HEPACAM: variants seen among roughly 807,000 people sequenced by gnomAD.
HEPACAM encodes the protein hepatocyte cell adhesion molecule.
In HEPACAM, 18 loss-of-function variants were observed where a neutral mutation model predicts 38.3. The observed-to-expected ratio is 0.47, with a 90% CI of 0.33 to 0.70. The LOEUF (loss-of-function observed/expected upper bound fraction) is 0.70. Ranked by LOEUF, HEPACAM falls within the 30% of genes least tolerant of loss-of-function variation. HEPACAM has a pLI of 0.03. For missense variants in HEPACAM, 466 were observed against 563.0 expected (o/e 0.83, Z 1.74); for synonymous variants, 216 against 243.1 (o/e 0.89, Z 1.04).
chr11:124,926,865 GC>G (rs757703782), intron 1 of HEPACAM, among the ~76,000 whole-genome samples: 1 of 151,594 alleles, frequency 6.6e-6, no homozygotes, highest in East Asian at 1.9e-4. Context: ...GAAGAACAAA[GC>G]AAAAAAAAAA....
Position 124,920,401 on chromosome 11 carries a change from G to A in HEPACAM, c.*737C>T, listed in dbSNP as rs1326476997. The A allele has an allele frequency of 2.6e-6, 4 of 1,548,394 alleles. No homozygotes were observed. The highest frequency in any genetic ancestry group is 3.5e-6 in the Non-Finnish European group (4 of 1,146,196). On this transcript the variant is annotated 3_prime_UTR_variant, in exon 7 of 7. Coordinates refer to ENST00000298251, the MANE Select transcript of HEPACAM (RefSeq NM_152722.5). Reference sequence around the variant, plus strand: ...CAGAGACAGAAAGAGTGCTTGGCATGGCATGCCTCCGAGGGAGGCTGTGGG... The same window carrying A: ...CAGAGACAGAAAGAGTGCTTGGCATAGCATGCCTCCGAGGGAGGCTGTGGG...
chr11:124,927,616 G>A (rs868509776), intron 1 of HEPACAM, among the ~76,000 whole-genome samples: 15 of 148,620 alleles, frequency 1.0e-4, no homozygotes, highest in East Asian at 4.0e-4. Context: ...CAATCCACCC[G>A]TGTTGGCCTC....
In HEPACAM at chr11:124,921,040, T is replaced by C. The variant is rs1050587420; in HGVS notation, c.*98A>G. 7 of 1,409,514 alleles carry C rather than the reference T, an allele frequency of 5.0e-6. No homozygotes were observed. In the African/African-American group the frequency reaches 7.6e-5, roughly 15 times the overall value. 87.3% of individuals were successfully genotyped at this position (1,409,514 alleles called of 1,614,324 possible). A position where few individuals can be genotyped will look rare whatever the true frequency, so the allele number is the denominator to read the frequency against. Reference sequence around the variant, plus strand: ...ACCAGCGCCCCCCCGGGACCTCCCCTCGTCCCCAGCGCGCCGCGCCCGGGC... The same window carrying C: ...ACCAGCGCCCCCCCGGGACCTCCCCCCGTCCCCAGCGCGCCGCGCCCGGGC... On this transcript the variant is annotated 3_prime_UTR_variant, in exon 7 of 7. Coordinates refer to ENST00000298251, the MANE Select transcript of HEPACAM (RefSeq NM_152722.5). The surrounding 1 kb of genome is among the most constrained non-coding windows in gnomAD (Gnocchi z 4.6).
Position 124,920,714 on chromosome 11 carries a change from C to T in HEPACAM, c.*424G>A, listed in dbSNP as rs1947119928. Reference sequence around the variant, plus strand: ...AAAAAAAAAAAAAAAAAAAAAGTGCCCCAGCACTCAGGCATTTGTTCAGAG... The same window carrying T: ...AAAAAAAAAAAAAAAAAAAAAGTGCTCCAGCACTCAGGCATTTGTTCAGAG... On this transcript the variant is annotated 3_prime_UTR_variant, in exon 7 of 7. Transcript: ENST00000298251. 1 of 907,998 alleles carries T rather than the reference C, an allele frequency of 1.1e-6. No homozygotes were observed. The highest frequency in any genetic ancestry group is 2.0e-5 in the African/African-American group (1 of 50,020). 56.2% of individuals were successfully genotyped at this position (907,998 alleles called of 1,614,324 possible).
At position 124,923,966 on chromosome 11, in the gene HEPACAM, G is replaced by T; in HGVS notation, c.472C>A (p.Leu158Met). The change falls in exon 3 of 7, where the codon CTG becomes ATG. Residue 158 changes from leucine (L) to methionine (M), a missense_variant. Leu to Met is a conservative substitution (Grantham distance 15). Transcript: ENST00000298251. ...PQVLVASTTV[L>M]ELSEAFTLNC... Reference sequence around the variant, plus strand: ...AAGGTGAAGGCCTCGCTGAGCTCCAGCACAGTGGTTGAAGCCACCAACACC... The same window carrying T: ...AAGGTGAAGGCCTCGCTGAGCTCCATCACAGTGGTTGAAGCCACCAACACC... 1 of 1,611,640 alleles carries T rather than the reference G, an allele frequency of 6.2e-7. No individual in the cohort carries two copies.
intron 1 of HEPACAM, among the ~76,000 whole-genome samples, chr11:124,927,624 C>G (rs563659406): frequency 6.6e-6 from 1 of 151,042 alleles, no homozygotes; most frequent in Non-Finnish European, 1.5e-5. Context: ...CCGTGTTGGC[C>G]TCCCAAAGTG....
At chr11:124,930,357 G>C (rs1180284218) in intron 1 of HEPACAM, among the ~76,000 whole-genome samples, 3 of 152,170 alleles carry the variant, frequency 2.0e-5, no homozygotes, top group Non-Finnish European at 4.4e-5. Flanking sequence ...TTTTTATCCT[G>C]TTGAGGCCTA....
intron 6 of HEPACAM, 58 bp downstream of exon 6, chr11:124,922,330 C>A: frequency 6.8e-7 from 1 of 1,477,958 alleles, no homozygotes; most frequent in South Asian, 1.1e-5. Flanking sequence ...TCCCTAGCAT[C>A]AGGCATGTGG....
intron 1 of HEPACAM, among the ~76,000 whole-genome samples, chr11:124,926,094 C>T (rs1216919790): frequency 3.3e-5 from 5 of 152,036 alleles, no homozygotes; most frequent in African/African-American, 7.2e-5. Context: ...CCCAGCTACT[C>T]GGGAGGCTGA....
chr11:124,921,037 C>T lies in HEPACAM; in HGVS notation c.*101G>A. 2.1e-6 allele frequency: 3 copies of T among 1,419,186 alleles called. No homozygotes were observed. Among genetic ancestry groups the T allele is most frequent in the Non-Finnish European group, 2.8e-6 (3 of 1,088,470 alleles). The allele number at this position is 1,419,186 out of a possible 1,614,324, so 87.9% of individuals were successfully genotyped here. On this transcript the variant is annotated 3_prime_UTR_variant, in exon 7 of 7. Transcript: ENST00000298251. The surrounding 1 kb of genome is among the most constrained non-coding windows in gnomAD (Gnocchi z 4.6). ...GACACCAGCGCCCCCCCGGGACCTCCCCTCGTCCCCAGCGCGCCGCGCCCG... is the reference window on the plus strand; with the variant it reads ...GACACCAGCGCCCCCCCGGGACCTCTCCTCGTCCCCAGCGCGCCGCGCCCG...
chr11:124,927,762 A>G (rs546756248), intron 1 of HEPACAM, among the ~76,000 whole-genome samples: 11 of 152,172 alleles, frequency 7.2e-5, no homozygotes, highest in Non-Finnish European at 1.5e-4. Context: ...ATGGTGGCAC[A>G]CACCTGTAAT....
intron 1 of HEPACAM, among the ~76,000 whole-genome samples, chr11:124,925,370 T>C (rs1362273676): frequency 6.6e-6 from 1 of 152,216 alleles, no homozygotes; most frequent in East Asian, 1.9e-4. Context: ...CCCTATGCGC[T>C]CCATTCATAA....
intron 1 of HEPACAM, among the ~76,000 whole-genome samples, chr11:124,929,697 C>A (rs1323110978): frequency 6.6e-6 from 1 of 152,082 alleles, no homozygotes; most frequent in Non-Finnish European, 1.5e-5. Context: ...TCAACCTCAA[C>A]AATGCGGTAC....
chr11:124,920,609 G>A lies in HEPACAM; in HGVS notation c.*529C>T. 12 of 1,078,066 alleles carry A rather than the reference G, an allele frequency of 1.1e-5. No individual in the cohort carries two copies. Among genetic ancestry groups the A allele is most frequent in the Non-Finnish European group, 1.4e-5 (12 of 882,278 alleles). The allele number at this position is 1,078,066 out of a possible 1,614,324, so 66.8% of individuals were successfully genotyped here. On this transcript the variant is annotated 3_prime_UTR_variant, in exon 7 of 7. Transcript: ENST00000298251. ...ACAGCCCCTGCACACCCAGTAACCG[G>A]CATCTGGCTTCTCCTTAGCTTAGTG...
Position 124,920,833 on chromosome 11 carries a change from CT to C in HEPACAM, c.*304del. 1 of 1,200,208 alleles carries C rather than the reference CT, an allele frequency of 8.3e-7. No individual in the cohort carries two copies. Among genetic ancestry groups the C allele is most frequent in the Non-Finnish European group, 1.0e-6 (1 of 967,186 alleles). The allele number at this position is 1,200,208 out of a possible 1,614,324, so 74.3% of individuals were successfully genotyped here. ...TACTGATGTTAGTTTCCATAAAACC[CT>C]TTTGGGTATTGGGCCAGAAATGTAA... On this transcript the variant is annotated 3_prime_UTR_variant, in exon 7 of 7. Coordinates refer to ENST00000298251, the MANE Select transcript of HEPACAM (RefSeq NM_152722.5).
chr11:124,924,683 G>T lies in HEPACAM; in HGVS notation c.427+45C>A. 1 of 1,546,584 alleles carries T rather than the reference G, an allele frequency of 6.5e-7. No homozygotes were observed. On this transcript the variant is annotated intron_variant, in intron 2 of 6. Transcript: ENST00000298251. The surrounding 1 kb of genome is among the most constrained non-coding windows in gnomAD (Gnocchi z 4.4). Reference sequence around the variant, plus strand: ...GGTGCGCTGGGCAGACCTTTCCCTAGTCCCACCTGCCAGTCTTGCCTCTTT... The same window carrying T: ...GGTGCGCTGGGCAGACCTTTCCCTATTCCCACCTGCCAGTCTTGCCTCTTT...
At position 124,925,067 on chromosome 11, in the gene HEPACAM, G is replaced by T. The variant is rs999132654; in HGVS notation, c.88C>A (p.Pro30Thr). The T allele has an allele frequency of 6.3e-7, 1 of 1,586,252 alleles. No homozygotes were observed. Among genetic ancestry groups the T allele is most frequent in the South Asian group, 1.2e-5 (1 of 86,648 alleles). ...CTGGTGATGTTCACCCCCTCCAGGG[G>T]GTCTGTGAACAGAGGCCCATGAGGA... ...FVYLLLIQTD[P>T]LEGVNITSPV... is the part of the protein sequence containing the mutation. Residue 30 changes from proline (P) to threonine (T), a missense_variant and splice_region_variant, in exon 2 of 7, where the codon CCC becomes ACC. Coordinates refer to ENST00000298251, the MANE Select transcript of HEPACAM (RefSeq NM_152722.5).
intron 1 of HEPACAM, 103 bp downstream of exon 1, chr11:124,935,819 C>G (rs144195196): frequency 1.5e-5 from 14 of 909,978 alleles, no homozygotes; most frequent in Non-Finnish European, 2.2e-5. Flanking sequence ...AACTCTCCCC[C>G]ACTCCTGCCC....
intron 1 of HEPACAM, among the ~76,000 whole-genome samples, chr11:124,929,796 G>A (rs1591552262): frequency 6.6e-6 from 1 of 152,122 alleles, no homozygotes; most frequent in African/African-American, 2.4e-5. Flanking sequence ...GAATGCACCT[G>A]CAGATAGCCT....
Sources: allele counts gnomAD v4.1 joint callset (sites outside exome capture counted in the v4.1 genomes callset), GRCh38; gene constraint gnomAD v4.1.1; non-coding constraint Gnocchi (gnomAD v3.1); transcripts MANE v1.5; gene names NCBI Gene and HGNC (gene_info 2026-07-23, HGNC 2026-07-21).